Variants in SLC22A25 observed in about 807,000 individuals in gnomAD.
SLC22A25 encodes solute carrier family 22 member 25, also known as MGI:2442751, MGI:2385316, MGI:3042283, MGI:3645714, MGI:3605624, MGI:2442750.
Under a neutral mutation model 45.9 loss-of-function variants are expected in SLC22A25, and 44 were observed. The ratio of observed to expected loss-of-function variants is 0.96; its 90% CI spans 0.75 to 1.23. The LOEUF (loss-of-function observed/expected upper bound fraction) is 1.23. Among genes scored for constraint, SLC22A25 ranks in the 50% most tolerant of loss-of-function variants. The pLI is 0.00. For missense variants in SLC22A25, 800 were observed against 666.4 expected (o/e 1.20, Z -2.21); for synonymous variants, 283 against 238.6 (o/e 1.19, Z -1.72).
intron 7 of SLC22A25, among the ~76,000 whole-genome samples, chr11:63,206,844 C>T (rs1228792944): frequency 6.6e-6 from 1 of 152,190 alleles, no homozygotes; most frequent in African/African-American, 2.4e-5. Flanking sequence ...GCAAAAAGAA[C>T]AAAGCTGGAG....
At chr11:63,209,061 A>C (rs2134795697) in intron 7 of SLC22A25, among the ~76,000 whole-genome samples, 1 of 152,328 alleles carries the variant, frequency 6.6e-6, no homozygotes, top group Non-Finnish European at 1.5e-5. Context: ...ATTGTGAGAT[A>C]GATTGGCCTG....
chr11:63,235,731 G>C (rs2090151932), intron 3 of SLC22A25, among the ~76,000 whole-genome samples: 1 of 152,100 alleles, frequency 6.6e-6, no homozygotes, highest in Non-Finnish European at 1.5e-5. Context: ...GATTTTTAGA[G>C]TTTCCGGTTT....
At chr11:63,238,061 C>A (rs559030388) in intron 2 of SLC22A25, 49 bp from the exon 3 acceptor site, 1 of 152,154 alleles carries the variant, frequency 6.6e-6, no homozygotes, top group South Asian at 2.1e-4. Flanking sequence ...CAACTTAAAA[C>A]GCCTCAGAGG....
At chr11:63,205,406 G>C in intron 7 of SLC22A25, among the ~76,000 whole-genome samples, 1 of 152,136 alleles carries the variant, frequency 6.6e-6, no homozygotes, top group South Asian at 2.1e-4. Flanking sequence ...TAGACCGCTA[G>C]CAGGACTAAT....
intron 7 of SLC22A25, among the ~76,000 whole-genome samples, chr11:63,204,135 C>A (rs1052195794): frequency 7.9e-5 from 12 of 152,196 alleles, no homozygotes; most frequent in African/African-American, 2.7e-4. Context: ...ACCAGGCCTG[C>A]CTTACAAGAG....
Position 63,158,868 on chromosome 11 carries a change from TC to T in SLC22A25, c.*4955del, listed in dbSNP as rs1303433068. Among the ~76,000 whole-genome samples, 3 of 152,144 alleles carry T rather than the reference TC, an allele frequency of 2.0e-5. No homozygotes were observed. The highest frequency in any genetic ancestry group is 3.9e-4 in the East Asian group (2 of 5,192). ...ATTCATTCTTTCCAACTTCCTTTTT[TC>T]CCCCCATTAACTATTCCCACTTCCC... On this transcript the variant is annotated 3_prime_UTR_variant, in exon 12 of 12. Transcript: ENST00000306494.
chr11:63,193,821 T>A (rs1257157088), intron 7 of SLC22A25, among the ~76,000 whole-genome samples: 2 of 152,128 alleles, frequency 1.3e-5, no homozygotes, highest in Non-Finnish European at 2.9e-5. Flanking sequence ...CTTTGATGAG[T>A]TGACAGAAGT....
Position 63,166,114 on chromosome 11 carries a change from A to G in SLC22A25, c.1215T>C (p.Arg405=), listed in dbSNP as rs557811357. The G allele has an allele frequency of 9.9e-6, 16 of 1,614,040 alleles. 1 individual carries two copies. The South Asian group carries it at 1.8e-4, about 18-fold the overall frequency. ...VAPWALNHMS[R]RLSQMLLMFL... ...ACATGAGAAGCATCTGGCTTAGTCG[A>G]CGGCTCATGTGATTCAGTGCCCAAG... Residue 405 remains arginine, a synonymous_variant, in exon 10 of 12, where the codon CGT becomes CGC. Coordinates refer to ENST00000306494, the MANE Select transcript of SLC22A25 (RefSeq NM_199352.6).
chr11:63,164,036 T>C lies in SLC22A25; in HGVS notation c.1432A>G (p.Ile478Val). ...ATGITGNFAN[I>V]GGALASLMMI... is the part of the protein sequence containing the mutation. ...ATGAGGGAAGCCAGGGCTCCCCCAA[T>C]ATTAGCAAAGTTTCCAGTGATTCCA... Residue 478 changes from isoleucine to valine, a missense_variant, in exon 12 of 12, where the codon ATT becomes GTT. Coordinates refer to ENST00000306494, the MANE Select transcript of SLC22A25 (RefSeq NM_199352.6). 6.2e-7 allele frequency: 1 copy of C among 1,610,534 alleles called. No individual in the cohort carries two copies.
At chr11:63,196,269 C>T (rs1411272962) in intron 7 of SLC22A25, among the ~76,000 whole-genome samples, 1 of 152,128 alleles carries the variant, frequency 6.6e-6, no homozygotes, top group Non-Finnish European at 1.5e-5. Context: ...CAGCATAATC[C>T]TGATACCAAA....
At chr11:63,180,143 T>C (rs759231043) in intron 9 of SLC22A25, among the ~76,000 whole-genome samples, 7 of 152,190 alleles carry the variant, frequency 4.6e-5, no homozygotes, top group African/African-American at 9.6e-5. Flanking sequence ...GAAATTCTCA[T>C]AGAAGTATTT....
intron 3 of SLC22A25, among the ~76,000 whole-genome samples, chr11:63,236,007 T>C (rs982539069): frequency 2.0e-5 from 3 of 152,128 alleles, no homozygotes; most frequent in South Asian, 4.1e-4. Context: ...TCTGGGAGTT[T>C]TGTCTCAGAG....
At chr11:63,223,258 T>A (rs1449065853) in intron 5 of SLC22A25, among the ~76,000 whole-genome samples, 1 of 152,128 alleles carries the variant, frequency 6.6e-6, no homozygotes, top group East Asian at 1.9e-4. Context: ...GGTCCCAGGC[T>A]TTTCCTTACC....
rs182837596 is a variant in SLC22A25 at position 63,188,812 on chromosome 11, T to G, written c.831-4995A>C. Among the ~76,000 whole-genome samples the G allele has an allele frequency of 2.0e-3, 312 of 152,362 alleles. 6 individuals carry two copies. The highest frequency in any genetic ancestry group is 6.3e-3 in the African/African-American group (262 of 41,574). Reference sequence around the variant, plus strand: ...CTTCGTTTTGTTATGTACTCAGTAGTCATTCAAAAGCAGGTTGTTCAGTTT... The same window carrying G: ...CTTCGTTTTGTTATGTACTCAGTAGGCATTCAAAAGCAGGTTGTTCAGTTT... On this transcript the variant is annotated intron_variant, in intron 7 of 11. Transcript: ENST00000306494.
chr11:63,176,994 C>T (rs373777620), intron 9 of SLC22A25, among the ~76,000 whole-genome samples: 8 of 151,964 alleles, frequency 5.3e-5, no homozygotes, highest in African/African-American at 1.9e-4. Context: ...TATTTCTCTT[C>T]ATTTTTGAAG....
chr11:63,230,845 C>T (rs2090054246), intron 3 of SLC22A25, among the ~76,000 whole-genome samples: 1 of 152,152 alleles, frequency 6.6e-6, no homozygotes, highest in African/African-American at 2.4e-5. Flanking sequence ...GTTCCCCTTC[C>T]TGTGTCCAAA....
At chr11:63,169,348 G>A (rs922345919) in intron 9 of SLC22A25, among the ~76,000 whole-genome samples, 3 of 152,160 alleles carry the variant, frequency 2.0e-5, no homozygotes, top group Non-Finnish European at 4.4e-5. Context: ...TGGGCTAAAT[G>A]CCCCAATTAA....
intron 8 of SLC22A25, among the ~76,000 whole-genome samples, chr11:63,182,420 G>T (rs1285523983): frequency 6.6e-6 from 1 of 151,828 alleles, no homozygotes; most frequent in Non-Finnish European, 1.5e-5. Flanking sequence ...CTAGGTGTGT[G>T]TGTATGAAAC....
At chr11:63,199,287 A>G (rs1361882342) in intron 7 of SLC22A25, among the ~76,000 whole-genome samples, 1 of 152,194 alleles carries the variant, frequency 6.6e-6, no homozygotes. Flanking sequence ...CTATGCACAT[A>G]AACTAGAAAA....
Sources: gnomAD v4.1 joint callset for allele counts (sites outside exome capture counted in the v4.1 genomes callset) on GRCh38, gnomAD v4.1.1 for gene constraint, MANE v1.5 for transcripts, NCBI Gene and HGNC (gene_info 2026-07-23, HGNC 2026-07-21) for gene names.